CENPE: variants seen among roughly 807,000 people sequenced by gnomAD.
The protein encoded by CENPE is centromere protein E.
A neutral mutation model predicts 336.1 loss-of-function variants in CENPE; 145 were observed. The observed-to-expected ratio is 0.43, with a 90% CI of 0.38 to 0.50. The LOEUF (loss-of-function observed/expected upper bound fraction) is 0.50. CENPE is among the 20% of genes least tolerant of loss of function. The pLI, the probability that CENPE is intolerant of heterozygous loss-of-function variation, is 0.00. For missense variants in CENPE, 2,719 were observed against 3,023.3 expected, an observed-to-expected ratio of 0.90 and a Z score of 2.36; for synonymous variants, 1,013 against 984.8, an observed-to-expected ratio of 1.03 and a Z score of -0.54.
At chr4:103,120,810 A>T (rs991610713) in intron 43 of CENPE, among the ~76,000 whole-genome samples, 1 of 151,510 alleles carries the variant, frequency 6.6e-6, no homozygotes, top group Admixed American at 6.6e-5. Context: ...ATCTCGACTC[A>T]CTGCAACCTC....
intron 33 of CENPE, 142 bp from the exon 34 acceptor site, chr4:103,143,548 C>A: frequency 1.6e-6 from 1 of 625,258 alleles, no homozygotes; most frequent in Non-Finnish European, 2.8e-6. Context: ...TTTTAGATGT[C>A]AATACATTCT....
At chr4:103,130,965 T>C (rs951623253) in intron 42 of CENPE, among the ~76,000 whole-genome samples, 1 of 147,788 alleles carries the variant, frequency 6.8e-6, no homozygotes, top group East Asian at 2.0e-4. Flanking sequence ...TCAAGATGGA[T>C]CATTGGTTTA....
In CENPE at chr4:103,106,061, T is replaced by A. The variant is rs1748871492; in HGVS notation, c.*161A>T. 1 of 407,802 alleles carries A rather than the reference T, an allele frequency of 2.5e-6. No homozygotes were observed. The highest frequency in any genetic ancestry group is 4.4e-6 in the Non-Finnish European group (1 of 229,132). The allele number at this position is 407,802 out of a possible 1,614,324, so 25.3% of individuals were successfully genotyped here. On this transcript the variant is annotated 3_prime_UTR_variant, in exon 49 of 49. Transcript: ENST00000265148. The stretch of plus-strand genomic sequence containing the variant: ...CTATCACCATTCTAAATTACCACAA[T>A]GCATTCATTTCCTGTTCCCTTATCT...
intron 43 of CENPE, among the ~76,000 whole-genome samples, chr4:103,121,549 CTT>C (rs11454081): frequency 1.3e-4 from 17 of 135,872 alleles, no homozygotes; most frequent in Admixed American, 1.5e-4. Context: ...TTCTTTCTTT[CTT>C]TTTTTTTTTT....
Position 103,161,381 on chromosome 4 carries a change from T to A in CENPE, c.1919A>T (p.Glu640Val), listed in dbSNP as rs1349118266. 1 of 1,612,276 alleles carries A rather than the reference T, an allele frequency of 6.2e-7. No individual in the cohort carries two copies. Among genetic ancestry groups the A allele is most frequent in the Non-Finnish European group, 8.5e-7 (1 of 1,179,218 alleles). ...ATTTTCACTTCTAAGAAAGGCTGAT[T>A]CTCTCTTGGCATCAAGGGCTACAGT... Reference protein sequence around the residue: ...AETVALDAKRESAFLRSENLE... With the variant: ...AETVALDAKRVSAFLRSENLE... Residue 640 changes from glutamate (E) to valine (V), a missense_variant, in exon 19 of 49, where the codon GAA becomes GTA. By Grantham distance (121) the Glu-to-Val change is moderately radical. This residue lies in a region of CENPE where 2,437 missense variants were observed against 2,513.3 expected (regional missense o/e 0.97). Transcript: ENST00000265148.
intron 4 of CENPE, among the ~76,000 whole-genome samples, chr4:103,195,549 T>A (rs1757672076): frequency 6.6e-6 from 1 of 152,132 alleles, no homozygotes; most frequent in South Asian, 2.1e-4. Context: ...TTGCCTATTC[T>A]GGCTTTCTGC....
chr4:103,109,561 C>T (rs1022830060), intron 47 of CENPE, among the ~76,000 whole-genome samples: 10 of 152,240 alleles, frequency 6.6e-5, no homozygotes, highest in African/African-American at 1.7e-4. Context: ...CCAGTTCCTC[C>T]GGAGAGAAAC....
At chr4:103,195,888 G>T in intron 4 of CENPE, 32 bp downstream of exon 4, 2 of 1,295,144 alleles carry the variant, frequency 1.5e-6, no homozygotes, top group Non-Finnish European at 2.2e-6. Flanking sequence ...AGTTTTACCT[G>T]TACGTACTAG....
In CENPE at chr4:103,159,134, T is replaced by C. The variant is rs115702258; in HGVS notation, c.2477A>G (p.His826Arg). The change falls in exon 22 of 49, where the codon CAT (histidine) becomes CGT (arginine). Residue 826 changes from histidine (H) to arginine (R), a missense_variant. Transcript: ENST00000265148. ...CTTATACTTTTGCTCAAAGTCCATATGAAGGGTTTTGAAATTTTGGAATTC... is the reference window on the plus strand; with the variant it reads ...CTTATACTTTTGCTCAAAGTCCATACGAAGGGTTTTGAAATTTTGGAATTC... ...DQEFQNFKTL[H>R]MDFEQKYKMV... 6 of 1,609,518 alleles carry C rather than the reference T, an allele frequency of 3.7e-6. No individual in the cohort carries two copies. In the East Asian group the frequency reaches 6.7e-5, roughly 18 times the overall value.
chr4:103,112,535 T>C (rs1431286102), intron 46 of CENPE, among the ~76,000 whole-genome samples: 1 of 143,262 alleles, frequency 7.0e-6, no homozygotes, highest in Non-Finnish European at 1.5e-5. Flanking sequence ...TATACATATA[T>C]ACACTTATAA....
chr4:103,142,584 AGGTTTTCATGAAGCTT>A (rs1328020253), intron 34 of CENPE, among the ~76,000 whole-genome samples: 1 of 152,184 alleles, frequency 6.6e-6, no homozygotes, highest in Non-Finnish European at 1.5e-5. Context: ...TACATCCTGA[AGGTTTTCATGAAGCTT>A]CTGAGTCAAT....
At chr4:103,138,557 A>G in intron 38 of CENPE, 108 bp from the exon 39 acceptor site, 1 of 739,126 alleles carries the variant, frequency 1.4e-6, no homozygotes, top group South Asian at 1.6e-5. Flanking sequence ...ATGGAATTAA[A>G]TATTATACTT....
chr4:103,134,430 C>T lies in CENPE; in HGVS notation c.6523-538G>A, dbSNP rs150841252. On this transcript the variant is annotated intron_variant, in intron 40 of 48. Coordinates refer to ENST00000265148, the MANE Select transcript of CENPE (RefSeq NM_001813.3). ...TGGGCAGATCACAAGGTCAGGAGTTCGAGACCATCCTGGCTAACACAGTGA... is the reference window on the plus strand; with the variant it reads ...TGGGCAGATCACAAGGTCAGGAGTTTGAGACCATCCTGGCTAACACAGTGA... 4.2e-3 allele frequency among the ~76,000 whole-genome samples: 634 copies of T among 152,046 alleles called. 7 individuals are homozygous for T. Among genetic ancestry groups the T allele is most frequent in the African/African-American group, 0.014 (592 of 41,476 alleles).
At chr4:103,120,414 AT>A in intron 43 of CENPE, 81 bp from the exon 44 acceptor site, 1 of 1,166,828 alleles carries the variant, frequency 8.6e-7, no homozygotes, top group Non-Finnish European at 1.2e-6. Context: ...AGATGATCAT[AT>A]TTAGATATTG....
chr4:103,182,665 G>T, intron 11 of CENPE, 97 bp downstream of exon 11: 1 of 1,006,770 alleles, frequency 9.9e-7, no homozygotes. Context: ...TAACAGGCGA[G>T]TTAATTAAAA....
chr4:103,147,924 C>A (rs1171545007), intron 28 of CENPE, among the ~76,000 whole-genome samples: 1 of 152,066 alleles, frequency 6.6e-6, no homozygotes, highest in Admixed American at 6.6e-5. Context: ...AAACTCCTGA[C>A]CTCAGGTGAT....
rs1750363295 is a variant in CENPE at position 103,118,779 on chromosome 4, C to T, written c.7329+1369G>A. Among the ~76,000 whole-genome samples the T allele has an allele frequency of 2.0e-5, 3 of 152,130 alleles. No homozygotes were observed. The South Asian group carries it at 6.2e-4, about 31-fold the overall frequency. On this transcript the variant is annotated intron_variant, in intron 44 of 48. Transcript: ENST00000265148. ...TGGCATCATTAGTTGATCAGACTAT[C>T]CTTTTCCCATTGAGAAGCCTTTGTT...
chr4:103,144,819 A>C (rs1016671433), intron 32 of CENPE, among the ~76,000 whole-genome samples: 1 of 152,192 alleles, frequency 6.6e-6, no homozygotes, highest in African/African-American at 2.4e-5. Flanking sequence ...TCACCATCAG[A>C]ATTTCCTAAA....
rs1320854063 is a variant in CENPE, at chr4:103,186,665, C to T, written c.694-804G>A. Among the ~76,000 whole-genome samples the T allele has an allele frequency of 2.6e-5, 4 of 152,086 alleles. No individual in the cohort carries two copies. In the East Asian group the frequency reaches 7.7e-4, roughly 29 times the overall value. On this transcript the variant is annotated intron_variant, in intron 8 of 48. Coordinates refer to ENST00000265148, the MANE Select transcript of CENPE (RefSeq NM_001813.3). ...CTGCTCTCATGGAGCTTACATTCTA[C>T]ATAGAGGAGGAGGCTGGTAAGAAGA...
Sources: gnomAD v4.1 joint callset for allele counts (sites outside exome capture counted in the v4.1 genomes callset) on GRCh38, gnomAD v4.1.1 for gene constraint, gnomAD v4.1.1 regional missense constraint, MANE v1.5 for transcripts, NCBI Gene and HGNC (gene_info 2026-07-23, HGNC 2026-07-21) for gene names.